MFAP1: variants seen among roughly 807,000 people sequenced by gnomAD.
The protein encoded by MFAP1 is microfibril associated protein 1, also known as microfibrillar-associated protein 1.
A neutral mutation model predicts 62.2 loss-of-function variants in MFAP1; 18 were observed. That is an observed-to-expected ratio of 0.29 (90% CI 0.20 to 0.43). The LOEUF (loss-of-function observed/expected upper bound fraction) is 0.43, where lower values mean the gene tolerates loss of function less well. Among genes scored for constraint, MFAP1 ranks in the 20% least tolerant of loss-of-function variants. MFAP1 has a pLI of 1.00. For synonymous variants in MFAP1, 175 were observed against 180.4 expected, an observed-to-expected ratio of 0.97 and a Z score of 0.24; for missense variants, 355 against 559.7, an observed-to-expected ratio of 0.63 and a Z score of 3.69.
chr15:43,810,115 C>A, intron 6 of MFAP1: 1 of 537,630 alleles, frequency 1.9e-6, no homozygotes, highest in Non-Finnish European at 3.1e-6. Context: ...TAGGTATTGC[C>A]AACTTTCAAA....
At chr15:43,819,194 A>AAAAAC (rs916399319) in intron 1 of MFAP1, among the ~76,000 whole-genome samples, 45 of 152,250 alleles carry the variant, frequency 3.0e-4, no homozygotes, top group African/African-American at 9.2e-4. Context: ...CTCTGTCTTT[A>AAAAAC]AAAACAAAAC....
At chr15:43,815,790 C>T (rs1052354814) in intron 2 of MFAP1, among the ~76,000 whole-genome samples, 1 of 151,994 alleles carries the variant, frequency 6.6e-6, no homozygotes, top group Non-Finnish European at 1.5e-5. Context: ...TGCACCACCA[C>T]ACCCAGCTAA....
chr15:43,804,982 T>C lies in MFAP1; in HGVS notation c.*112A>G. The stretch of plus-strand genomic sequence containing the variant: ...CTACCCAGTATCACAAGTATAGCAG[T>C]AAGTCCAATATCTGGATACAGGGGC... On this transcript the variant is annotated 3_prime_UTR_variant, in exon 9 of 9. Coordinates refer to ENST00000267812, the MANE Select transcript of MFAP1 (RefSeq NM_005926.3). 8.4e-7 allele frequency: 1 copy of C among 1,191,492 alleles called. No homozygotes were observed. The highest frequency in any genetic ancestry group is 2.0e-4 in the Middle Eastern group (1 of 4,994). The allele number at this position is 1,191,492 out of a possible 1,614,324, so 73.8% of individuals were successfully genotyped here.
At position 43,824,631 on chromosome 15, in the gene MFAP1, C is replaced by T. The variant is rs2087488037; in HGVS notation, c.-62G>A. The stretch of plus-strand genomic sequence containing the variant: ...AATTCCAAACAGTGAACACCAGCAA[C>T]GTCAACGAAGAGAAGAAATTCCTTC... On this transcript the variant is annotated 5_prime_UTR_variant, in exon 1 of 9. Coordinates refer to ENST00000267812, the MANE Select transcript of MFAP1 (RefSeq NM_005926.3). The T allele has an allele frequency of 6.4e-7, 1 of 1,554,648 alleles. No individual in the cohort carries two copies. Among genetic ancestry groups the T allele is most frequent in the Non-Finnish European group, 8.9e-7 (1 of 1,127,460 alleles).
At chr15:43,820,073 G>A (rs956867283) in intron 1 of MFAP1, among the ~76,000 whole-genome samples, 4 of 151,962 alleles carry the variant, frequency 2.6e-5, no homozygotes, top group Middle Eastern at 3.2e-3. Context: ...GCGTGAACCC[G>A]GGACACAGAG....
At chr15:43,823,056 C>G (rs949925667) in intron 1 of MFAP1, among the ~76,000 whole-genome samples, 1 of 151,606 alleles carries the variant, frequency 6.6e-6, no homozygotes, top group African/African-American at 2.4e-5. Flanking sequence ...AGGTTGGTCT[C>G]GAACTCTTGA....
chr15:43,822,279 C>T (rs1215119352), intron 1 of MFAP1, among the ~76,000 whole-genome samples: 1 of 150,978 alleles, frequency 6.6e-6, no homozygotes, highest in Non-Finnish European at 1.5e-5. Flanking sequence ...CCATTTCACA[C>T]CTGTTAGATT....
At chr15:43,821,269 T>A (rs1394455971) in intron 1 of MFAP1, among the ~76,000 whole-genome samples, 1 of 152,124 alleles carries the variant, frequency 6.6e-6, no homozygotes. Flanking sequence ...AATAGAGAAA[T>A]ATTTCATGTT....
intron 3 of MFAP1, 128 bp downstream of exon 3, chr15:43,814,817 C>A (rs939832355): frequency 1.3e-5 from 20 of 1,492,012 alleles, no homozygotes; most frequent in Middle Eastern, 1.8e-4. Context: ...CCTATCCCCA[C>A]AAACAAGGAA....
At chr15:43,814,350 C>T (rs1415516253) in intron 4 of MFAP1, 151 bp downstream of exon 4, 1 of 765,632 alleles carries the variant, frequency 1.3e-6, no homozygotes, top group African/African-American at 1.7e-5. Flanking sequence ...AGATATTCCT[C>T]AGCAGCTAGT....
At chr15:43,809,559 A>G (rs761363958) in intron 7 of MFAP1, among the ~76,000 whole-genome samples, 196 bp downstream of exon 7, 1 of 152,020 alleles carries the variant, frequency 6.6e-6, no homozygotes, top group African/African-American at 2.4e-5. Context: ...AAGAGAGAAC[A>G]GTTGATGCTA....
intron 6 of MFAP1, 40 bp downstream of exon 6, chr15:43,812,947 C>A: frequency 6.2e-7 from 1 of 1,605,316 alleles, no homozygotes; most frequent in Non-Finnish European, 8.5e-7. Flanking sequence ...GAAACCTGTT[C>A]CATTAGCAGC....
chr15:43,815,837 T>C (rs968718368), intron 2 of MFAP1, among the ~76,000 whole-genome samples: 3 of 152,150 alleles, frequency 2.0e-5, no homozygotes, highest in Non-Finnish European at 4.4e-5. Flanking sequence ...TTTCGCCATA[T>C]TGGCCAGGCT....
intron 1 of MFAP1, among the ~76,000 whole-genome samples, chr15:43,821,908 G>A (rs1254289363): frequency 6.6e-6 from 1 of 152,002 alleles, no homozygotes; most frequent in African/African-American, 2.4e-5. Context: ...ACAAGATAAA[G>A]TTGATAAATC....
At chr15:43,816,250 CTTT>C (rs71299553) in intron 2 of MFAP1, among the ~76,000 whole-genome samples, 1 of 135,756 alleles carries the variant, frequency 7.4e-6, no homozygotes, top group Non-Finnish European at 1.5e-5. Flanking sequence ...TTTTTCTTTT[CTTT>C]TTTTTTTTTT....
At chr15:43,813,480 G>T in intron 4 of MFAP1, 123 bp from the exon 5 acceptor site, 2 of 695,184 alleles carry the variant, frequency 2.9e-6, no homozygotes, top group Non-Finnish European at 4.4e-6. Flanking sequence ...TATTTTCAAA[G>T]AGCAAAAAAC....
intron 1 of MFAP1, 90 bp downstream of exon 1, chr15:43,824,401 G>A: frequency 1.6e-6 from 2 of 1,268,522 alleles, no homozygotes; most frequent in Non-Finnish European, 2.2e-6. Context: ...GAGCTGGCGG[G>A]GTTGGAGTGG....
chr15:43,818,852 C>A (rs1172982102), intron 1 of MFAP1, among the ~76,000 whole-genome samples: 1 of 152,144 alleles, frequency 6.6e-6, no homozygotes, highest in Admixed American at 6.6e-5. Context: ...CACACCAAGG[C>A]ACTCACTTTA....
rs373632314 is a variant in MFAP1 at position 43,814,691 on chromosome 15, A to G, written c.430-3T>C. The G allele has an allele frequency of 1.2e-4, 191 of 1,613,094 alleles. No individual in the cohort carries two copies. The highest frequency in any genetic ancestry group is 1.6e-4 in the Non-Finnish European group (184 of 1,179,630). On this transcript the variant is annotated splice_region_variant and splice_polypyrimidine_tract_variant and intron_variant, in intron 3 of 8. Coordinates refer to ENST00000267812, the MANE Select transcript of MFAP1 (RefSeq NM_005926.3). ...ATGCCACGCCGCCGCTCTATTTCCT[A>G]TCAAGTCATATATATAAGCCAGTCA...
Sources: gnomAD v4.1 joint callset for allele counts (sites outside exome capture counted in the v4.1 genomes callset) on GRCh38, gnomAD v4.1.1 for gene constraint, MANE v1.5 for transcripts, NCBI Gene and HGNC (gene_info 2026-07-23, HGNC 2026-07-21) for gene names.